Variants in GAS7 observed in about 807,000 individuals in gnomAD.
The protein encoded by GAS7 is growth arrest specific 7.
A neutral mutation model predicts 71.1 loss-of-function variants in GAS7; 28 were observed. The ratio of observed to expected loss-of-function variants is 0.39; its 90% CI spans 0.29 to 0.54. The LOEUF is 0.54. Ranked by LOEUF, GAS7 falls within the 20% of genes least tolerant of loss-of-function variation. GAS7 has a pLI of 0.62. For synonymous variants in GAS7, 258 were observed against 245.8 expected, an observed-to-expected ratio of 1.05 and a Z score of -0.46; for missense variants, 436 against 627.8, an observed-to-expected ratio of 0.69 and a Z score of 3.27.
chr17:9,945,235 C>A (rs867050397), intron 6 of GAS7, among the ~76,000 whole-genome samples: 1 of 152,052 alleles, frequency 6.6e-6, no homozygotes, highest in African/African-American at 2.4e-5. Context: ...CCCTCTCTGC[C>A]GCCACCACCA....
At chr17:10,031,656 C>T (rs182104408) in intron 1 of GAS7, among the ~76,000 whole-genome samples, 1 of 152,178 alleles carries the variant, frequency 6.6e-6, no homozygotes, top group African/African-American at 2.4e-5. Flanking sequence ...ATGGTCGTTG[C>T]ACCTGCTGTA....
At chr17:10,197,913 T>A (rs1046833099) in intron 1 of GAS7, among the ~76,000 whole-genome samples, 2 of 152,106 alleles carry the variant, frequency 1.3e-5, no homozygotes, top group African/African-American at 4.8e-5. Context: ...TCCCGCCTGC[T>A]CCTTAACTCA....
At chr17:10,150,262 G>C (rs1257517448) in intron 1 of GAS7, among the ~76,000 whole-genome samples, 1 of 152,138 alleles carries the variant, frequency 6.6e-6, no homozygotes, top group Non-Finnish European at 1.5e-5. Context: ...CATTTACGTT[G>C]ATTTCATCTG....
intron 1 of GAS7, among the ~76,000 whole-genome samples, chr17:10,152,143 C>T (rs1315148317): frequency 1.3e-5 from 2 of 152,170 alleles, no homozygotes; most frequent in African/African-American, 2.4e-5. Flanking sequence ...TCTGCCCCAA[C>T]TAGAGAGCCA....
chr17:10,153,210 A>AAAAAAAAAAAAAAGCAAAAC (rs144494150), intron 1 of GAS7, among the ~76,000 whole-genome samples: 1 of 145,274 alleles, frequency 6.9e-6, no homozygotes, highest in African/African-American at 2.6e-5. Context: ...CCTCCGTCTC[A>AAAAAAAAAAAAAAGCAAAAC]AAAAAAAAAC....
intron 1 of GAS7, among the ~76,000 whole-genome samples, chr17:10,133,989 T>C (rs1210547687): frequency 6.6e-6 from 1 of 152,168 alleles, no homozygotes; most frequent in Admixed American, 6.5e-5. Context: ...TTGAGCATCA[T>C]GACAGCACTG....
Position 9,918,047 on chromosome 17 carries a change from C to T in GAS7, c.1271G>A (p.Cys424Tyr), listed in dbSNP as rs2067652183. 6.2e-7 allele frequency: 1 copy of T among 1,613,988 alleles called. No individual in the cohort carries two copies. Among genetic ancestry groups the T allele is most frequent in the Non-Finnish European group, 8.5e-7 (1 of 1,179,870 alleles). ...TTCATGCCGCAGCTGCGTGTACTGGCACAGGTGCTGCCGGATCATCTCTAC... is the reference window on the plus strand; with the variant it reads ...TTCATGCCGCAGCTGCGTGTACTGGTACAGGTGCTGCCGGATCATCTCTAC... ...ERVEMIRQHL[C>Y]QYTQLRHETD... The change falls in exon 13 of 14, where the codon TGC becomes TAC. Residue 424 changes from cysteine (C) to tyrosine (Y), a missense_variant. By Grantham distance (194) the Cys-to-Tyr change is radical (BLOSUM62 -2). Transcript: ENST00000432992.
chr17:10,053,659 G>C (rs944891514), intron 1 of GAS7, among the ~76,000 whole-genome samples: 2 of 152,014 alleles, frequency 1.3e-5, no homozygotes, highest in Non-Finnish European at 2.9e-5. Flanking sequence ...GAATCGTCTA[G>C]AAAAAACGGG....
chr17:9,987,787 T>C (rs2070699089), intron 2 of GAS7, among the ~76,000 whole-genome samples: 1 of 152,260 alleles, frequency 6.6e-6, no homozygotes, highest in African/African-American at 2.4e-5. Context: ...TAATTTTAAA[T>C]AGTCACTTCC....
At chr17:9,917,735 C>G (rs1347250327) in intron 13 of GAS7, among the ~76,000 whole-genome samples, 2 of 152,242 alleles carry the variant, frequency 1.3e-5, no homozygotes, top group Non-Finnish European at 2.9e-5. Flanking sequence ...TCTTCAGCTA[C>G]TGTAACTGTT....
At chr17:10,091,595 C>T (rs547435358) in intron 1 of GAS7, among the ~76,000 whole-genome samples, 1 of 152,186 alleles carries the variant, frequency 6.6e-6, no homozygotes, top group South Asian at 2.1e-4. Flanking sequence ...ACTATATTGG[C>T]CAGGATAGTC....
At chr17:10,064,359 T>G (rs893642158) in intron 1 of GAS7, among the ~76,000 whole-genome samples, 1 of 152,210 alleles carries the variant, frequency 6.6e-6, no homozygotes, top group Non-Finnish European at 1.5e-5. Context: ...AGCATCTGTA[T>G]GCTGTGTGGG....
chr17:10,025,497 G>A (rs2072431965), intron 1 of GAS7, among the ~76,000 whole-genome samples: 1 of 151,548 alleles, frequency 6.6e-6, no homozygotes, highest in African/African-American at 2.4e-5. Flanking sequence ...TTCCCTAGCT[G>A]TAGGCTGACT....
chr17:9,940,249 G>A (rs200957606), intron 7 of GAS7, 49 bp from the exon 8 acceptor site: 181 of 1,434,458 alleles, frequency 1.3e-4, no homozygotes, highest in Non-Finnish European at 1.7e-4. Flanking sequence ...GTGCCAGATC[G>A]TGGGTCTGCC....
intron 1 of GAS7, among the ~76,000 whole-genome samples, chr17:10,050,797 T>G (rs1202316413): frequency 6.6e-6 from 1 of 152,054 alleles, no homozygotes; most frequent in African/African-American, 2.4e-5. Flanking sequence ...TTCTGCCTAA[T>G]TTTTTTTCCC....
rs896918614 is a variant in GAS7 at position 10,134,045 on chromosome 17, T to G, written c.183+64163A>C. 2.7e-4 allele frequency among the ~76,000 whole-genome samples: 8 copies of G among 29,206 alleles called. No individual in the cohort carries two copies. The Admixed American group carries it at 4.2e-3, about 15-fold the overall frequency. 19.2% of individuals were successfully genotyped at this position (29,206 alleles called of 152,430 possible). A position where few individuals can be genotyped will look rare whatever the true frequency, so the allele number is the denominator to read the frequency against. On this transcript the variant is annotated intron_variant, in intron 1 of 13. Transcript: ENST00000432992. Reference sequence around the variant, plus strand: ...ACCACATTTTCTTTTTTCTTTTTTTTTTGAGATGGGAGTCTCGCTCTATCG... The same window carrying G: ...ACCACATTTTCTTTTTTCTTTTTTTGTTGAGATGGGAGTCTCGCTCTATCG...
At chr17:9,939,576 G>C (rs1329321370) in intron 8 of GAS7, among the ~76,000 whole-genome samples, 2 of 152,074 alleles carry the variant, frequency 1.3e-5, no homozygotes, top group Non-Finnish European at 2.9e-5. Context: ...TCTGGAACGT[G>C]GCTCTTGGTC....
chr17:9,913,670 C>T lies in GAS7; in HGVS notation c.*3558G>A, dbSNP rs1232447368. ...TGCTGAGTGGAGGTAGAAAGGAGGCCCAGGGTGGTCCCACTGACAGAATCT... is the reference window on the plus strand; with the variant it reads ...TGCTGAGTGGAGGTAGAAAGGAGGCTCAGGGTGGTCCCACTGACAGAATCT... On this transcript the variant is annotated 3_prime_UTR_variant, in exon 14 of 14. Coordinates refer to ENST00000432992, the MANE Select transcript of GAS7 (RefSeq NM_201433.2). 1.3e-5 allele frequency: 3 copies of T among 230,834 alleles called. No homozygotes were observed. In the East Asian group the frequency reaches 1.8e-4, roughly 14 times the overall value. The allele number at this position is 230,834 out of a possible 1,614,324, so 14.3% of individuals were successfully genotyped here.
chr17:10,056,592 C>T (rs1267438883), intron 1 of GAS7, among the ~76,000 whole-genome samples: 1 of 152,058 alleles, frequency 6.6e-6, no homozygotes, highest in Non-Finnish European at 1.5e-5. Flanking sequence ...GTCAAATGGG[C>T]CGGGCGCAGT....
Sources: gnomAD v4.1 joint callset for allele counts (sites outside exome capture counted in the v4.1 genomes callset) on GRCh38, gnomAD v4.1.1 for gene constraint, MANE v1.5 for transcripts, NCBI Gene and HGNC (gene_info 2026-07-23, HGNC 2026-07-21) for gene names.